The following XYLB variants were observed in gnomAD, a reference collection of about 807,000 sequenced individuals.
XYLB encodes the protein xylulokinase, also known as xylulose kinase.
Under a neutral mutation model 78.7 loss-of-function variants are expected in XYLB, and 62 were observed. That is an observed-to-expected ratio of 0.79 (90% CI 0.64 to 0.97). The LOEUF (loss-of-function observed/expected upper bound fraction) is 0.97. XYLB is among the 50% of genes least tolerant of loss of function. XYLB has a pLI of 0.00. For synonymous variants in XYLB, 245 were observed against 247.4 expected, an observed-to-expected ratio of 0.99 and a Z score of 0.09; for missense variants, 687 against 676.8, an observed-to-expected ratio of 1.02 and a Z score of -0.17.
intron 6 of XYLB, 140 bp from the exon 7 acceptor site, chr3:38,366,668 T>A: frequency 1.6e-6 from 1 of 622,632 alleles, no homozygotes; most frequent in Non-Finnish European, 2.8e-6. Flanking sequence ...CACACTACTG[T>A]GCCTGGTTGG....
the XYLB span, among the ~76,000 whole-genome samples, chr3:38,450,463 G>A: frequency 6.6e-6 from 1 of 152,298 alleles, no homozygotes; most frequent in Non-Finnish European, 1.5e-5. Context: ...GATTGTTGAA[G>A]GGTGGGGAAG....
At chr3:38,347,064 C>G in intron 1 of XYLB, 139 bp downstream of exon 1, 1 of 806,174 alleles carries the variant, frequency 1.2e-6, no homozygotes, top group East Asian at 3.5e-5. Context: ...GGGGCCCCCG[C>G]GCCCCTGCCC....
chr3:38,364,370 G>A (rs181029224), intron 4 of XYLB, among the ~76,000 whole-genome samples: 2 of 151,634 alleles, frequency 1.3e-5, no homozygotes, highest in African/African-American at 4.9e-5. Flanking sequence ...TACCTTCCCC[G>A]TGACTCCCAC....
intron 1 of XYLB, among the ~76,000 whole-genome samples, chr3:38,348,095 C>G (rs1705167503): frequency 6.6e-6 from 1 of 152,236 alleles, no homozygotes; most frequent in Non-Finnish European, 1.5e-5. Flanking sequence ...ATTAATGTCT[C>G]TGGACCACAA....
intron 9 of XYLB, among the ~76,000 whole-genome samples, chr3:38,371,066 GGCT>G (rs1412159949): frequency 1.3e-5 from 2 of 152,110 alleles, no homozygotes; most frequent in African/African-American, 4.8e-5. Flanking sequence ...GTGGAGGAGG[GGCT>G]GCTGTGAGGA....
intron 16 of XYLB, 68 bp from the exon 17 acceptor site, chr3:38,397,004 C>G: frequency 6.7e-7 from 1 of 1,502,350 alleles, no homozygotes. Flanking sequence ...CTGGAAAGTG[C>G]ATCCCACAAT....
chr3:38,411,030 G>A lies in XYLB; in HGVS notation c.1534-1906G>A, dbSNP rs193197530. On this transcript the variant is annotated intron_variant, in intron 18 of 18. Coordinates refer to ENST00000207870, the MANE Select transcript of XYLB (RefSeq NM_005108.4). ...ATTTGACCCAGCCATCCCATTACTA[G>A]GTATATACCCAAAGGACTATAAATC... Among the ~76,000 whole-genome samples, 1,057 of 151,946 alleles carry A rather than the reference G, an allele frequency of 7.0e-3. 8 individuals carry two copies. The highest frequency in any genetic ancestry group is 0.025 in the African/African-American group (1,017 of 41,480).
intron 1 of XYLB, 26 bp downstream of exon 1, chr3:38,346,951 CGG>C: frequency 6.9e-7 from 1 of 1,444,684 alleles, no homozygotes. Context: ...CGCAGGGCCA[CGG>C]GGCCGCCTCC....
At chr3:38,355,968 G>A in intron 2 of XYLB, 1 of 585,148 alleles carries the variant, frequency 1.7e-6, no homozygotes, top group Non-Finnish European at 3.0e-6. Context: ...GAAAATACTG[G>A]GGCCAGGTGT....
rs373470344 is a variant in XYLB, at chr3:38,357,666, G to A, written c.141-2673G>A. ...CTCCCAAAGTGCTGGGATTACAGGCGTGAGCCACCGCATCCTTGCTTAACA... is the reference window on the plus strand; with the variant it reads ...CTCCCAAAGTGCTGGGATTACAGGCATGAGCCACCGCATCCTTGCTTAACA... On this transcript the variant is annotated intron_variant, in intron 2 of 18. Coordinates refer to ENST00000207870, the MANE Select transcript of XYLB (RefSeq NM_005108.4). Among the ~76,000 whole-genome samples the A allele has an allele frequency of 3.2e-3, 492 of 152,262 alleles. 8 individuals carry two copies. The highest frequency in any genetic ancestry group is 0.011 in the African/African-American group (472 of 41,568).
intron 13 of XYLB, among the ~76,000 whole-genome samples, 196 bp downstream of exon 13, chr3:38,376,428 A>G (rs908173996): frequency 1.3e-5 from 2 of 152,186 alleles, no homozygotes; most frequent in African/African-American, 4.8e-5. Context: ...GTGGGGCTGT[A>G]AGGCTGTCCT....
At chr3:38,358,607 G>A (rs1014570682) in intron 2 of XYLB, among the ~76,000 whole-genome samples, 1 of 151,978 alleles carries the variant, frequency 6.6e-6, no homozygotes, top group Non-Finnish European at 1.5e-5. Flanking sequence ...GCCTCCCAAA[G>A]CACTGGGATT....
At position 38,414,570 on chromosome 3, in the gene XYLB, A is replaced by G. The variant is rs532521972; in HGVS notation, c.*1557A>G. On this transcript the variant is annotated 3_prime_UTR_variant, in exon 19 of 19. Coordinates refer to ENST00000207870, the MANE Select transcript of XYLB (RefSeq NM_005108.4). ...GAAAATAAATAATTGTGGATATAAA[A>G]GAACACCAGAGATCAGAAATTCAAA... is the stretch of plus-strand genomic sequence containing the variant. The G allele has an allele frequency of 2.0e-5, 3 of 152,362 alleles. No homozygotes were observed. Among genetic ancestry groups the G allele is most frequent in the African/African-American group, 7.2e-5 (3 of 41,590 alleles). 9.4% of individuals were successfully genotyped at this position (152,362 alleles called of 1,614,324 possible). A position where few individuals can be genotyped will look rare whatever the true frequency, so the allele number is the denominator to read the frequency against.
intron 15 of XYLB, among the ~76,000 whole-genome samples, chr3:38,382,295 A>C (rs1403855011): frequency 6.6e-6 from 1 of 152,160 alleles, no homozygotes; most frequent in Non-Finnish European, 1.5e-5. Flanking sequence ...GCAGTGAGCC[A>C]TGAGACCCTG....
chr3:38,372,699 A>C lies in XYLB; in HGVS notation c.810A>C (p.Pro270=). 1 of 1,614,170 alleles carries C rather than the reference A, an allele frequency of 6.2e-7. No homozygotes were observed. The highest frequency in any genetic ancestry group is 1.1e-5 in the South Asian group (1 of 91,074). The change falls in exon 10 of 19, where the codon CCA becomes CCC. Residue 270 remains proline (P), a synonymous_variant. Coordinates refer to ENST00000207870, the MANE Select transcript of XYLB (RefSeq NM_005108.4). Reference sequence around the variant, plus strand: ...ACGTCCAGCGCTACGGATTTCCTCCAGGATGCAAAGTGGTGGCCTTCACTG... The same window carrying C: ...ACGTCCAGCGCTACGGATTTCCTCCCGGATGCAAAGTGGTGGCCTTCACTG... ...SYYVQRYGFP[P]GCKVVAFTGD...
the XYLB span, among the ~76,000 whole-genome samples, chr3:38,429,230 G>A: frequency 6.6e-6 from 1 of 151,948 alleles, no homozygotes; most frequent in African/African-American, 2.4e-5. Context: ...TTCTCATCCT[G>A]CCCACCCCTG....
chr3:38,419,654 G>T (rs573438068), downstream of XYLB, among the ~76,000 whole-genome samples: 82 of 138,436 alleles, frequency 5.9e-4, no homozygotes, highest in East Asian at 0.018. Flanking sequence ...GTTTTTATTT[G>T]TGTTTTCCTA....
the XYLB span, among the ~76,000 whole-genome samples, chr3:38,444,354 C>T: frequency 6.6e-6 from 1 of 152,084 alleles, no homozygotes; most frequent in African/African-American, 2.4e-5. Context: ...TGCTTGTTTC[C>T]TTCTGGGCAG....
chr3:38,421,116 T>A (rs1226713375), downstream of XYLB: 1 of 152,234 alleles, frequency 6.6e-6, no homozygotes, highest in Non-Finnish European at 1.5e-5. Context: ...TCAATAAATG[T>A]GTGGGTCAAG....
Sources: allele counts gnomAD v4.1 joint callset (sites outside exome capture counted in the v4.1 genomes callset), GRCh38; gene constraint gnomAD v4.1.1; transcripts MANE v1.5; gene names NCBI Gene and HGNC (gene_info 2026-07-23, HGNC 2026-07-21).